The following TMTC1 variants were observed in gnomAD, a reference collection of about 807,000 sequenced individuals.
TMTC1 encodes protein O-mannosyl-transferase TMTC1.
A neutral mutation model predicts 104.8 loss-of-function variants in TMTC1; 73 were observed. The ratio of observed to expected loss-of-function variants is 0.70; its 90% confidence interval spans 0.58 to 0.85. The LOEUF (loss-of-function observed/expected upper bound fraction) is 0.85, where lower values mean the gene tolerates loss of function less well. Ranked by LOEUF, TMTC1 falls within the 40% of genes least tolerant of loss-of-function variation. TMTC1 has a pLI of 0.00. For synonymous variants in TMTC1, 434 were observed against 428.7 expected, an observed-to-expected ratio of 1.01 and a Z score of -0.15; for missense variants, 1,035 against 1,096.1, an observed-to-expected ratio of 0.94 and a Z score of 0.79.
chr12:29,605,208 T>A (rs1946666708), intron 6 of TMTC1, among the ~76,000 whole-genome samples: 1 of 152,038 alleles, frequency 6.6e-6, no homozygotes, highest in Non-Finnish European at 1.5e-5. Flanking sequence ...CCTTTAAACA[T>A]TTTAAAGTCT....
intron 9 of TMTC1, among the ~76,000 whole-genome samples, chr12:29,565,770 C>T (rs570504897): frequency 1.8e-4 from 27 of 152,134 alleles, no homozygotes; most frequent in African/African-American, 6.3e-4. Context: ...TCTCTTGTAC[C>T]CAGAAGGCAG....
intron 9 of TMTC1, among the ~76,000 whole-genome samples, chr12:29,564,447 G>C (rs933601719): frequency 1.3e-5 from 2 of 152,122 alleles, no homozygotes; most frequent in Admixed American, 1.3e-4. Flanking sequence ...TCTAAAGAAG[G>C]AGCAGAAAAA....
intron 5 of TMTC1, among the ~76,000 whole-genome samples, chr12:29,695,290 G>C (rs1941383559): frequency 6.6e-6 from 1 of 152,026 alleles, no homozygotes; most frequent in African/African-American, 2.4e-5. Context: ...TGGAAATGAG[G>C]TCACATCCAC....
chr12:29,710,805 TTA>T (rs1308538297), intron 5 of TMTC1, among the ~76,000 whole-genome samples: 2 of 54,460 alleles, frequency 3.7e-5, no homozygotes, highest in East Asian at 1.2e-3. Context: ...CATAATGTAT[TTA>T]TATATAATAT....
Position 29,783,716 on chromosome 12 carries a change from C to CCCG in TMTC1, c.33_35dup (p.Gly12dup). 2 of 1,220,248 alleles carry CCCG rather than the reference C, an allele frequency of 1.6e-6. No individual in the cohort carries two copies. Among genetic ancestry groups the CCCG allele is most frequent in the Non-Finnish European group, 2.0e-6 (2 of 985,870 alleles). 75.6% of individuals were successfully genotyped at this position (1,220,248 alleles called of 1,614,324 possible). On this transcript the variant is annotated inframe_insertion, in exon 1 of 18. Transcript: ENST00000539277. This position sits in a 1 kb window ranked among gnomAD's most constrained non-coding sequence, Gnocchi z 4.7. ...CCCGCCGCCGGGAGGGTGTGCGGTC[C>CCCG]CCGCCGCCGCCTCGGGCAGAGGTGG...
At chr12:29,779,258 T>C (rs1195123640) in intron 1 of TMTC1, among the ~76,000 whole-genome samples, 1 of 152,254 alleles carries the variant, frequency 6.6e-6, no homozygotes, top group Non-Finnish European at 1.5e-5. Context: ...TCTTAGCCAC[T>C]TCACTTTCAC....
chr12:29,687,633 G>A (rs191489196), intron 5 of TMTC1, among the ~76,000 whole-genome samples: 143 of 152,272 alleles, frequency 9.4e-4, no homozygotes, highest in African/African-American at 3.2e-3. Context: ...CAAAAAGAAT[G>A]TCCTTGTGTA....
intron 11 of TMTC1, among the ~76,000 whole-genome samples, chr12:29,526,024 A>C (rs1209646455): frequency 2.0e-5 from 3 of 152,202 alleles, no homozygotes; most frequent in Non-Finnish European, 4.4e-5. Context: ...ACGCATTAAA[A>C]ATGACAGTTG....
intron 5 of TMTC1, among the ~76,000 whole-genome samples, chr12:29,647,960 T>C (rs562416208): frequency 1.3e-5 from 2 of 152,280 alleles, no homozygotes; most frequent in Admixed American, 6.5e-5. Context: ...CAGCAGAGCA[T>C]GGCTATGGTC....
chr12:29,767,655 C>CA (rs1943497941), intron 2 of TMTC1, among the ~76,000 whole-genome samples: 1 of 151,994 alleles, frequency 6.6e-6, no homozygotes, highest in South Asian at 2.1e-4. Context: ...TTTGAACATT[C>CA]AAAAGGAAAA....
At chr12:29,759,549 A>C (rs2120365668) in intron 2 of TMTC1, among the ~76,000 whole-genome samples, 1 of 152,286 alleles carries the variant, frequency 6.6e-6, no homozygotes, top group African/African-American at 2.4e-5. Context: ...TGATTGCTAT[A>C]TGTGAGTATA....
At position 29,713,300 on chromosome 12, in the gene TMTC1, TACACAC is replaced by T. The variant is rs10574727; in HGVS notation, c.938+38360_938+38365del. 7.3e-3 allele frequency among the ~76,000 whole-genome samples: 975 copies of T among 134,482 alleles called. 6 individuals carry two copies. The highest frequency in any genetic ancestry group is 8.4e-3 in the Non-Finnish European group (531 of 63,410). 88.2% of individuals were successfully genotyped at this position (134,482 alleles called of 152,430 possible). ...AAATAAATCTCTCTACATAAACACA[TACACAC>T]ACACACACACACACACACACACACA... On this transcript the variant is annotated intron_variant, in intron 5 of 17. Coordinates refer to ENST00000539277, the MANE Select transcript of TMTC1 (RefSeq NM_001193451.2).
intron 1 of TMTC1, among the ~76,000 whole-genome samples, chr12:29,769,191 C>A (rs1251462352): frequency 6.6e-6 from 1 of 152,194 alleles, no homozygotes; most frequent in Non-Finnish European, 1.5e-5. Context: ...CTTTAACCTA[C>A]AGAATTTTAA....
intron 7 of TMTC1, among the ~76,000 whole-genome samples, chr12:29,586,107 T>C (rs1466521920): frequency 1.3e-5 from 2 of 152,192 alleles, no homozygotes; most frequent in Non-Finnish European, 2.9e-5. Context: ...TATCCTCTTT[T>C]ATTTCATTGA....
chr12:29,608,195 G>C (rs577388584), intron 6 of TMTC1, among the ~76,000 whole-genome samples: 2 of 152,156 alleles, frequency 1.3e-5, no homozygotes, highest in African/African-American at 2.4e-5. Flanking sequence ...AGTGCATCAT[G>C]GACATGGCTA....
At chr12:29,515,166 T>C (rs551659861) in intron 15 of TMTC1, among the ~76,000 whole-genome samples, 8 of 152,184 alleles carry the variant, frequency 5.3e-5, no homozygotes, top group Admixed American at 4.6e-4. Flanking sequence ...TGTGATACAG[T>C]TGAAAGAAAA....
intron 6 of TMTC1, chr12:29,609,830 G>C (rs2225065): frequency 6.6e-6 from 1 of 152,138 alleles, no homozygotes; most frequent in Non-Finnish European, 1.5e-5. Context: ...AGCCCTAAGC[G>C]GCCCTGTTGC....
At chr12:29,558,968 G>A (rs1008640098) in intron 9 of TMTC1, among the ~76,000 whole-genome samples, 4 of 152,196 alleles carry the variant, frequency 2.6e-5, no homozygotes, top group South Asian at 2.1e-4. Flanking sequence ...GCCAGGACTC[G>A]AATTCTTCTA....
At chr12:29,735,829 A>C (rs1381662301) in intron 5 of TMTC1, among the ~76,000 whole-genome samples, 4 of 152,168 alleles carry the variant, frequency 2.6e-5, no homozygotes, top group African/African-American at 9.6e-5. Context: ...ACCGTGTAGC[A>C]GGTGTTGCCG....
Sources: gnomAD v4.1 joint callset for allele counts (sites outside exome capture counted in the v4.1 genomes callset) on GRCh38, gnomAD v4.1.1 for gene constraint, Gnocchi (gnomAD v3.1) non-coding constraint, MANE v1.5 for transcripts, NCBI Gene and HGNC (gene_info 2026-07-23, HGNC 2026-07-21) for gene names.